The following EXOC5 variants were observed in gnomAD, a reference collection of about 807,000 sequenced individuals.
EXOC5 encodes exocyst complex component 5, also known as SEC10-like 1.
A neutral mutation model predicts 90.8 loss-of-function variants in EXOC5; 17 were observed. The ratio of observed to expected loss-of-function variants is 0.19; its 90% confidence interval spans 0.13 to 0.28. EXOC5 has a LOEUF of 0.28. Ranked by LOEUF, EXOC5 falls within the 10% of genes least tolerant of loss-of-function variation. The probability of loss-of-function intolerance (pLI) is 1.00; values close to 1 mark genes in which losing one functional copy is unlikely to be tolerated. For missense variants in EXOC5, 569 were observed against 830.6 expected (o/e 0.69, Z 3.87); for synonymous variants, 260 against 270.0 (o/e 0.96, Z 0.36).
At chr14:57,238,186 A>T (rs538203943) in intron 5 of EXOC5, among the ~76,000 whole-genome samples, 1 of 149,548 alleles carries the variant, frequency 6.7e-6, no homozygotes, top group South Asian at 2.1e-4. Context: ...GAAAAAATTG[A>T]ATCTATTTAG....
chr14:57,204,616 T>C lies in EXOC5; in HGVS notation c.*3993A>G, dbSNP rs2139599742. 1 of 152,574 alleles carries C rather than the reference T, an allele frequency of 6.6e-6. No homozygotes were observed. Among genetic ancestry groups the C allele is most frequent in the Non-Finnish European group, 1.5e-5 (1 of 67,910 alleles). The allele number at this position is 152,574 out of a possible 1,614,324, so 9.5% of individuals were successfully genotyped here. On this transcript the variant is annotated 3_prime_UTR_variant, in exon 18 of 18. Coordinates refer to ENST00000621441, the MANE Select transcript of EXOC5 (RefSeq NM_006544.4). The stretch of plus-strand genomic sequence containing the variant: ...TGTCATTTACTTCTATGTCACAAAA[T>C]ATAGTACAAAATATTTGGTCTCTTT...
Position 57,209,745 on chromosome 14 carries a change from A to T in EXOC5, c.1760T>A (p.Val587Glu), listed in dbSNP as rs1255480640. Residue 587 changes from valine (V) to glutamate (E), a missense_variant, in exon 17 of 18, where the codon GTG (valine) becomes GAG (glutamate). This residue lies in a region of EXOC5 where 122 missense variants were observed against 180.0 expected (regional missense o/e 0.68). Transcript: ENST00000621441. ...ATCCATGGAATTTTTAATCTTCTCC[A>T]CTTGTTTTCTTACGTAAGCACAGAC... is the stretch of plus-strand genomic sequence containing the variant. ...VKVCAYVRKQ[V>E]EKIKNSMDGK... is the part of the protein sequence containing the mutation. The T allele has an allele frequency of 6.2e-7, 1 of 1,612,166 alleles. No homozygotes were observed. Among genetic ancestry groups the T allele is most frequent in the Non-Finnish European group, 8.5e-7 (1 of 1,179,088 alleles).
chr14:57,257,567 G>A (rs539019593), intron 1 of EXOC5, among the ~76,000 whole-genome samples: 2 of 152,138 alleles, frequency 1.3e-5, no homozygotes, highest in Non-Finnish European at 2.9e-5. Context: ...TAAGAGGTCA[G>A]TGTCCTGAAA....
At chr14:57,225,040 C>A (rs925494044) in intron 12 of EXOC5, among the ~76,000 whole-genome samples, 2 of 151,770 alleles carry the variant, frequency 1.3e-5, no homozygotes, top group African/African-American at 2.4e-5. Flanking sequence ...CCAGCCTGGG[C>A]GTCAGAGTGA....
intron 15 of EXOC5, among the ~76,000 whole-genome samples, chr14:57,213,743 TG>T (rs1436926281): frequency 6.6e-6 from 1 of 151,538 alleles, no homozygotes; most frequent in African/African-American, 2.4e-5. Flanking sequence ...CTGAGGTGGG[TG>T]GATCACTTGA....
At position 57,227,026 on chromosome 14, in the gene EXOC5, AAAGAT is replaced by A. The variant is rs1291832943; in HGVS notation, c.1296+2703_1296+2707del. On this transcript the variant is annotated intron_variant, in intron 12 of 17. Coordinates refer to ENST00000621441, the MANE Select transcript of EXOC5 (RefSeq NM_006544.4). ...TCCTTAGAAATACTGATGAGAATAAAAAGATAAGCCACAGGCAGAAAAAAAATGTG... is the reference window on the plus strand; with the variant it reads ...TCCTTAGAAATACTGATGAGAATAAAAAGCCACAGGCAGAAAAAAAATGTG... Among the ~76,000 whole-genome samples, 5 of 152,280 alleles carry A rather than the reference AAAGAT, an allele frequency of 3.3e-5. No homozygotes were observed. The South Asian group carries it at 8.3e-4, about 25-fold the overall frequency.
chr14:57,237,309 A>T (rs1594667280), intron 6 of EXOC5, 29 bp downstream of exon 6: 5 of 1,222,400 alleles, frequency 4.1e-6, no homozygotes, highest in Non-Finnish European at 5.8e-6. Context: ...TACTTATTAA[A>T]AAAAAGGTAA....
chr14:57,237,240 A>G, intron 6 of EXOC5, 98 bp downstream of exon 6: 2 of 721,476 alleles, frequency 2.8e-6, no homozygotes, highest in South Asian at 3.2e-5. Context: ...GGGTAGGAAG[A>G]TGACATTGTT....
intron 15 of EXOC5, among the ~76,000 whole-genome samples, chr14:57,215,950 G>C (rs1283693659): frequency 7.2e-5 from 11 of 151,746 alleles, no homozygotes; most frequent in African/African-American, 2.7e-4. Flanking sequence ...TCAAAAAATA[G>C]AACTAATAAA....
intron 15 of EXOC5, among the ~76,000 whole-genome samples, chr14:57,215,375 G>A (rs1219090952): frequency 1.1e-4 from 17 of 149,552 alleles, no homozygotes; most frequent in African/African-American, 4.3e-4. Flanking sequence ...ATATAGGAAA[G>A]AAAATTACAG....
At chr14:57,227,416 A>T (rs1411206890) in intron 12 of EXOC5, among the ~76,000 whole-genome samples, 1 of 152,192 alleles carries the variant, frequency 6.6e-6, no homozygotes, top group Non-Finnish European at 1.5e-5. Context: ...CACCAGTTTA[A>T]CAATTCTCTT....
intron 13 of EXOC5, among the ~76,000 whole-genome samples, chr14:57,220,470 T>C (rs1428167198): frequency 6.6e-6 from 1 of 152,056 alleles, no homozygotes; most frequent in African/African-American, 2.4e-5. Context: ...ACAGAAAAAC[T>C]GGCACACACA....
chr14:57,229,623 T>G, intron 12 of EXOC5, 111 bp downstream of exon 12: 1 of 573,374 alleles, frequency 1.7e-6, no homozygotes, highest in East Asian at 3.0e-5. Context: ...ACACTTTATA[T>G]AGCAGACTTG....
intron 12 of EXOC5, among the ~76,000 whole-genome samples, chr14:57,227,943 T>C (rs1026397071): frequency 9.7e-5 from 12 of 123,656 alleles, no homozygotes; most frequent in South Asian, 2.2e-4. Context: ...TACATATATA[T>C]ATACACACAC....
intron 12 of EXOC5, among the ~76,000 whole-genome samples, chr14:57,223,125 A>G (rs1594654892): frequency 1.3e-5 from 2 of 150,244 alleles, no homozygotes; most frequent in African/African-American, 5.0e-5. Context: ...AGGTAAGAAT[A>G]AATACGAAAA....
rs76235309 is a variant in EXOC5, at chr14:57,220,823, C to A, written c.1406-1381G>T. 6.6e-3 allele frequency among the ~76,000 whole-genome samples: 1,004 copies of A among 151,954 alleles called. 13 individuals carry two copies. Among genetic ancestry groups the A allele is most frequent in the African/African-American group, 0.023 (951 of 41,472 alleles). On this transcript the variant is annotated intron_variant, in intron 13 of 17. Transcript: ENST00000621441. The stretch of plus-strand genomic sequence containing the variant: ...TCAAAAATAAAAATAAAAATAAGGG[C>A]ATATCAAAATTATTATATATACACA...
chr14:57,243,138 T>C (rs921303200), intron 4 of EXOC5: 7 of 152,132 alleles, frequency 4.6e-5, no homozygotes, highest in African/African-American at 1.4e-4. Flanking sequence ...AGACTACATA[T>C]TGGATACAGT....
chr14:57,216,460 G>A (rs1882977164), intron 15 of EXOC5, among the ~76,000 whole-genome samples: 1 of 152,060 alleles, frequency 6.6e-6, no homozygotes, highest in African/African-American at 2.4e-5. Context: ...CAATGGAACA[G>A]GATACAGAGC....
Position 57,240,446 on chromosome 14 carries a change from T to C in EXOC5, c.466-787A>G, listed in dbSNP as rs1227998329. On this transcript the variant is annotated intron_variant, in intron 4 of 17. Transcript: ENST00000621441. The stretch of plus-strand genomic sequence containing the variant: ...ACAGGCGCATGCCACCATGCCCGGC[T>C]AATTTTTGTATTTTTAGTAGACACG... 2.0e-5 allele frequency among the ~76,000 whole-genome samples: 3 copies of C among 152,000 alleles called. No homozygotes were observed. In the East Asian group the frequency reaches 5.8e-4, roughly 30 times the overall value.
Sources: gnomAD v4.1 joint callset for allele counts (sites outside exome capture counted in the v4.1 genomes callset) on GRCh38, gnomAD v4.1.1 for gene constraint, gnomAD v4.1.1 regional missense constraint, MANE v1.5 for transcripts, NCBI Gene and HGNC (gene_info 2026-07-23, HGNC 2026-07-21) for gene names.